Variants in PHTF2 observed in about 807,000 individuals in gnomAD.
PHTF2 encodes the protein protein PHTF2.
In PHTF2, 60 loss-of-function variants were observed where a neutral mutation model predicts 101.2. The observed-to-expected ratio is 0.59, with a 90% CI of 0.48 to 0.73. The LOEUF (loss-of-function observed/expected upper bound fraction) is 0.73, where lower values mean the gene tolerates loss of function less well. Among genes scored for constraint, PHTF2 ranks in the 30% least tolerant of loss-of-function variants. The probability of loss-of-function intolerance (pLI) is 0.00; values close to 1 mark genes in which losing one functional copy is unlikely to be tolerated. For missense variants in PHTF2, 747 were observed against 908.7 expected (o/e 0.82, Z 2.29); for synonymous variants, 311 against 307.3 (o/e 1.01, Z -0.13).
intron 1 of PHTF2, among the ~76,000 whole-genome samples, chr7:77,831,583 C>G (rs1351719195): frequency 6.6e-6 from 1 of 152,160 alleles, no homozygotes. Context: ...GGCAGTAATG[C>G]TTGTTTTTGT....
At chr7:77,907,073 T>A (rs1005478391) in intron 7 of PHTF2, among the ~76,000 whole-genome samples, 1 of 152,150 alleles carries the variant, frequency 6.6e-6, no homozygotes, top group Admixed American at 6.6e-5. Context: ...GTATGCTGTG[T>A]ACTATGTAGA....
exon 14 of PHTF2, chr7:77,940,274 T>C (rs1239449278): frequency 6.2e-7 from 1 of 1,613,298 alleles, no homozygotes; most frequent in Non-Finnish European, 8.5e-7. Context: ...TTTTTTTTGC[T>C]CTGTGTAGCA....
At chr7:77,875,120 G>GT (rs1798821086) in intron 3 of PHTF2, among the ~76,000 whole-genome samples, 1 of 152,140 alleles carries the variant, frequency 6.6e-6, no homozygotes, top group South Asian at 2.1e-4. Flanking sequence ...TTGTAGGATT[G>GT]TTTTTTTCTA....
chr7:77,923,251 C>A, intron 11 of PHTF2: 1 of 865,514 alleles, frequency 1.2e-6, no homozygotes, highest in Non-Finnish European at 1.4e-6. Flanking sequence ...AAACCCTTTT[C>A]AACTATATCA....
rs540458014 is a variant in PHTF2, at chr7:77,892,138, G to A, written c.148-1470G>A. On this transcript the variant is annotated intron_variant, in intron 3 of 19. Coordinates refer to ENST00000416283, the Ensembl canonical transcript of PHTF2. ...TAAAAATACAAAAAATTAGCCAGGC[G>A]TGTTAACCAGGCGTGGTGGCACGCG... Among the ~76,000 whole-genome samples, 11 of 152,232 alleles carry A rather than the reference G, an allele frequency of 7.2e-5. No homozygotes were observed. The South Asian group carries it at 1.7e-3, about 23-fold the overall frequency.
intron 12 of PHTF2, among the ~76,000 whole-genome samples, chr7:77,934,679 G>C (rs1804921660): frequency 6.6e-6 from 1 of 152,194 alleles, no homozygotes; most frequent in African/African-American, 2.4e-5. Flanking sequence ...GGCCGGGCAT[G>C]GTGGCTCACG....
chr7:77,843,190 T>G (rs2150586764), intron 2 of PHTF2, among the ~76,000 whole-genome samples: 1 of 152,342 alleles, frequency 6.6e-6, no homozygotes, highest in Admixed American at 6.5e-5. Flanking sequence ...ACTCCAAATT[T>G]TGGTAAAATC....
chr7:77,833,639 A>G (rs1795229382), intron 1 of PHTF2, among the ~76,000 whole-genome samples: 1 of 152,132 alleles, frequency 6.6e-6, no homozygotes, highest in Non-Finnish European at 1.5e-5. Context: ...GTGGCATGCA[A>G]CTTTTTGTGT....
chr7:77,952,886 T>C (rs990516432), intron 18 of PHTF2, among the ~76,000 whole-genome samples: 5 of 152,188 alleles, frequency 3.3e-5, no homozygotes, highest in Admixed American at 6.5e-5. Flanking sequence ...CTTTTAAATA[T>C]CTTCCAATTC....
chr7:77,920,931 C>A lies in PHTF2; in HGVS notation c.963+466C>A, dbSNP rs544243312. 5.3e-5 allele frequency among the ~76,000 whole-genome samples: 8 copies of A among 152,304 alleles called. No individual in the cohort carries two copies. In the East Asian group the frequency reaches 1.2e-3, roughly 22 times the overall value. Reference sequence around the variant, plus strand: ...AACTTCTGGACTCAAGCAGTCCACCCACCTCAGCCTTCTAAAGTTCTAGGA... The same window carrying A: ...AACTTCTGGACTCAAGCAGTCCACCAACCTCAGCCTTCTAAAGTTCTAGGA... On this transcript the variant is annotated intron_variant, in intron 10 of 19. Transcript: ENST00000416283.
chr7:77,949,850 A>C lies in PHTF2; in HGVS notation c.2115+17A>C. The C allele has an allele frequency of 1.6e-6, 2 of 1,288,904 alleles. No homozygotes were observed. Among genetic ancestry groups the C allele is most frequent in the Non-Finnish European group, 2.2e-6 (2 of 928,072 alleles). 79.8% of individuals were successfully genotyped at this position (1,288,904 alleles called of 1,614,324 possible). On this transcript the variant is annotated intron_variant, in intron 17 of 19. Coordinates refer to ENST00000416283, the Ensembl canonical transcript of PHTF2. ...ACTGAACAGGTGAGTGTGCCTACTT[A>C]TTATGCTACAAATTAATGTCTATAA...
chr7:77,941,236 A>G, intron 15 of PHTF2, among the ~76,000 whole-genome samples: 1 of 152,282 alleles, frequency 6.6e-6, no homozygotes, highest in African/African-American at 2.4e-5. Context: ...TTGAAATAAT[A>G]ATCAAAGAAG....
chr7:77,860,831 C>T (rs1293194689), intron 3 of PHTF2, among the ~76,000 whole-genome samples: 3 of 152,090 alleles, frequency 2.0e-5, no homozygotes, highest in Admixed American at 2.0e-4. Context: ...CCCACCCCAG[C>T]CTCCCATATA....
Position 77,830,634 on chromosome 7 carries a change from A to G in PHTF2, c.-35-9587A>G, listed in dbSNP as rs138964298. On this transcript the variant is annotated intron_variant, in intron 1 of 19. Coordinates refer to ENST00000416283, the Ensembl canonical transcript of PHTF2. ...TGTCTGAGGTGGAGTTGAGGCAGTG[A>G]TGCTTGCGCTGGGGAGCAGCTGCGA... 5.7e-3 allele frequency among the ~76,000 whole-genome samples: 866 copies of G among 152,320 alleles called. 8 individuals carry two copies. Among genetic ancestry groups the G allele is most frequent in the African/African-American group, 0.02 (811 of 41,552 alleles).
intron 9 of PHTF2, among the ~76,000 whole-genome samples, chr7:77,918,325 C>G (rs987836134): frequency 3.9e-5 from 6 of 152,050 alleles, no homozygotes; most frequent in Admixed American, 6.6e-5. Flanking sequence ...TTTCAGTTGC[C>G]TACTAACATT....
At chr7:77,937,264 A>G (rs1805229256) in intron 12 of PHTF2, among the ~76,000 whole-genome samples, 2 of 152,190 alleles carry the variant, frequency 1.3e-5, no homozygotes, top group South Asian at 4.1e-4. Context: ...TAATGATCAT[A>G]AGTTGGACAA....
exon 13 of PHTF2, chr7:77,937,736 C>T: frequency 6.9e-7 from 1 of 1,450,658 alleles, no homozygotes. Context: ...TCCATAGTTC[C>T]CACCCAGGAT....
intron 3 of PHTF2, among the ~76,000 whole-genome samples, chr7:77,870,897 C>A (rs965075344): frequency 6.6e-6 from 1 of 152,134 alleles, no homozygotes; most frequent in African/African-American, 2.4e-5. Flanking sequence ...GTCAATAAAT[C>A]TTTATATCAC....
intron 5 of PHTF2, among the ~76,000 whole-genome samples, chr7:77,896,772 GA>G (rs1200352377): frequency 6.6e-6 from 1 of 151,936 alleles, no homozygotes; most frequent in Non-Finnish European, 1.5e-5. Flanking sequence ...ATTTGATTAA[GA>G]AAAAAACACT....
Sources: allele counts gnomAD v4.1 joint callset (sites outside exome capture counted in the v4.1 genomes callset), GRCh38; gene constraint gnomAD v4.1.1; transcripts MANE v1.5; gene names NCBI Gene and HGNC (gene_info 2026-07-23, HGNC 2026-07-21).